EYS: variants seen among roughly 807,000 people sequenced by gnomAD.
EYS encodes the protein protein eyes shut homolog.
In EYS, 250 loss-of-function variants were observed where a neutral mutation model predicts 282.1. The ratio of observed to expected loss-of-function variants is 0.89; its 90% CI spans 0.80 to 0.98. EYS has a LOEUF of 0.98. Among genes scored for constraint, EYS ranks in the 50% least tolerant of loss-of-function variants. The pLI is 0.00. For synonymous variants in EYS, 1,355 were observed against 1,282.9 expected, an observed-to-expected ratio of 1.06 and a Z score of -1.20; for missense variants, 4,016 against 3,709.0, an observed-to-expected ratio of 1.08 and a Z score of -2.15.
intron 29 of EYS, among the ~76,000 whole-genome samples, chr6:64,350,744 G>A (rs752267646): frequency 2.6e-5 from 4 of 151,584 alleles, no homozygotes; most frequent in Non-Finnish European, 4.4e-5. Flanking sequence ...TCGGTGTGTT[G>A]AAACCCAGTG....
chr6:64,651,483 A>G lies in EYS; in HGVS notation c.3444-25238T>C, dbSNP rs145676385. Among the ~76,000 whole-genome samples the G allele has an allele frequency of 5.7e-3, 873 of 152,312 alleles. 8 individuals are homozygous for G. The highest frequency in any genetic ancestry group is 0.02 in the African/African-American group (813 of 41,566). The stretch of plus-strand genomic sequence containing the variant: ...TATGAAAGATAATAAAGTAAAATAA[A>G]TGAGGAAGGGAAAATACAGGGCAAA... On this transcript the variant is annotated intron_variant, in intron 22 of 42. Transcript: ENST00000503581.
intron 30 of EYS, among the ~76,000 whole-genome samples, chr6:64,254,496 G>T (rs1337119105): frequency 6.6e-6 from 1 of 151,990 alleles, no homozygotes; most frequent in Non-Finnish European, 1.5e-5. Flanking sequence ...GTCCTAGCAG[G>T]AGCTGGGAGG....
At chr6:65,070,986 T>C (rs1773887105) in intron 12 of EYS, among the ~76,000 whole-genome samples, 1 of 151,942 alleles carries the variant, frequency 6.6e-6, no homozygotes, top group Non-Finnish European at 1.5e-5. Flanking sequence ...CATTTGTCAC[T>C]TTTTTATTTC....
chr6:64,198,474 CT>C (rs1765365780), intron 31 of EYS, among the ~76,000 whole-genome samples: 1 of 152,070 alleles, frequency 6.6e-6, no homozygotes, highest in African/African-American at 2.4e-5. Context: ...TAGCCCTCCC[CT>C]GGCCCCCCAC....
In EYS at chr6:63,721,155, A is replaced by C. The variant is rs1305825599; in HGVS notation, c.8876T>G (p.Phe2959Cys). Residue 2959 changes from phenylalanine to cysteine, a missense_variant, in exon 43 of 43, where the codon TTT (phenylalanine) becomes TGT (cysteine). Physicochemically the swap from Phe to Cys is radical, Grantham distance 205. Coordinates refer to ENST00000503581, the MANE Select transcript of EYS (RefSeq NM_001142800.2). ...ENKTSFSTAKFMGNSYIKYID... is the reference protein window; with the variant it reads ...ENKTSFSTAKCMGNSYIKYID... Reference sequence around the variant, plus strand: ...GTATTTAATGTAAGAATTACCCATAAATTTTGCAGTTGAAAATGAAGTTTT... The same window carrying C: ...GTATTTAATGTAAGAATTACCCATACATTTTGCAGTTGAAAATGAAGTTTT... 1 of 1,551,600 alleles carries C rather than the reference A, an allele frequency of 6.4e-7. No homozygotes were observed. Among genetic ancestry groups the C allele is most frequent in the African/African-American group, 1.4e-5 (1 of 73,172 alleles).
chr6:65,339,693 T>A (rs1409964526), intron 10 of EYS, among the ~76,000 whole-genome samples: 1 of 151,204 alleles, frequency 6.6e-6, no homozygotes, highest in East Asian at 2.0e-4. Context: ...CAATGAAATG[T>A]GTCAAGCAGA....
rs1391120119 is a variant in EYS, at chr6:64,081,873, T to A, written c.6554A>T (p.Asn2185Ile). 1 of 1,535,830 alleles carries A rather than the reference T, an allele frequency of 6.5e-7. No individual in the cohort carries two copies. The highest frequency in any genetic ancestry group is 2.5e-5 in the East Asian group (1 of 40,662). The change falls in exon 32 of 43, where the codon AAT becomes ATT. Residue 2185 changes from asparagine (N) to isoleucine (I), a missense_variant. Physicochemically the swap from Asn to Ile is moderately radical, Grantham distance 149 (BLOSUM62 -3). Coordinates refer to ENST00000503581, the MANE Select transcript of EYS (RefSeq NM_001142800.2). Reference protein sequence around the residue: ...IYLTIKTNSLNGTILYSNGNN... With the variant: ...IYLTIKTNSLIGTILYSNGNN... Reference sequence around the variant, plus strand: ...ATACTCACTGTAAAGAATAGTTCCATTTAAACTGTTTGTTTTTATAGTCAA... The same window carrying A: ...ATACTCACTGTAAAGAATAGTTCCAATTAAACTGTTTGTTTTTATAGTCAA...
At chr6:64,390,302 G>A (rs2150426426) in intron 28 of EYS, among the ~76,000 whole-genome samples, 1 of 152,308 alleles carries the variant, frequency 6.6e-6, no homozygotes, top group East Asian at 1.9e-4. Flanking sequence ...TGCCTCTGTA[G>A]GCTCCACCTC....
At chr6:64,881,524 C>T (rs58493295) in intron 19 of EYS, among the ~76,000 whole-genome samples, 5,669 of 151,858 alleles carry the variant, frequency 0.037, 188 homozygotes, top group East Asian at 0.16. Flanking sequence ...TCTCCGATTA[C>T]TTTACATATT....
intron 31 of EYS, among the ~76,000 whole-genome samples, chr6:64,115,696 A>C (rs1002745546): frequency 6.6e-5 from 10 of 152,194 alleles, no homozygotes; most frequent in African/African-American, 2.2e-4. Flanking sequence ...AAAGGTCTTT[A>C]CCCACTTAAA....
At chr6:64,626,909 T>A (rs1767627357) in intron 22 of EYS, among the ~76,000 whole-genome samples, 1 of 152,170 alleles carries the variant, frequency 6.6e-6, no homozygotes, top group African/African-American at 2.4e-5. Context: ...GGGAGACTCT[T>A]AAAATGGAGA....
chr6:65,011,959 G>C (rs1771886690), intron 13 of EYS, among the ~76,000 whole-genome samples: 2 of 151,988 alleles, frequency 1.3e-5, no homozygotes, highest in African/African-American at 4.8e-5. Flanking sequence ...ATTAAATCTT[G>C]CAACAGCAAA....
At chr6:63,795,115 T>C (rs185604782) in intron 37 of EYS, among the ~76,000 whole-genome samples, 3 of 152,298 alleles carry the variant, frequency 2.0e-5, no homozygotes, top group East Asian at 1.9e-4. Flanking sequence ...AGAAAAGTCA[T>C]AACAACTCCA....
intron 30 of EYS, among the ~76,000 whole-genome samples, chr6:64,285,289 T>C (rs947385125): frequency 6.6e-6 from 1 of 151,960 alleles, no homozygotes; most frequent in African/African-American, 2.4e-5. Flanking sequence ...CACTTAGAAA[T>C]TTCTTCCACC....
chr6:64,646,746 A>C (rs1768367620), intron 22 of EYS, among the ~76,000 whole-genome samples: 1 of 151,858 alleles, frequency 6.6e-6, no homozygotes, highest in Non-Finnish European at 1.5e-5. Flanking sequence ...TGGAGCTTGC[A>C]GTAAGCTGAG....
intron 34 of EYS, among the ~76,000 whole-genome samples, chr6:63,988,635 A>G (rs1365388056): frequency 2.0e-5 from 3 of 151,690 alleles, no homozygotes; most frequent in East Asian, 1.9e-4. Context: ...GGTCTTTAAC[A>G]TAAGTCTTTT....
At chr6:63,995,104 A>G (rs1767775400) in intron 34 of EYS, among the ~76,000 whole-genome samples, 1 of 152,060 alleles carries the variant, frequency 6.6e-6, no homozygotes, top group Admixed American at 6.6e-5. Context: ...AATGGGAGAA[A>G]ATATTTTCAA....
intron 12 of EYS, among the ~76,000 whole-genome samples, chr6:65,087,465 G>C (rs1045858182): frequency 6.6e-6 from 1 of 152,054 alleles, no homozygotes; most frequent in Non-Finnish European, 1.5e-5. Flanking sequence ...CCACACATTG[G>C]CTTTATGATA....
intron 28 of EYS, among the ~76,000 whole-genome samples, chr6:64,417,981 G>A (rs1441140062): frequency 1.3e-5 from 2 of 152,098 alleles, no homozygotes. Context: ...CTACGGTCTT[G>A]CTATTAATAT....
Sources: gnomAD v4.1 joint callset for allele counts (sites outside exome capture counted in the v4.1 genomes callset) on GRCh38, gnomAD v4.1.1 for gene constraint, MANE v1.5 for transcripts, NCBI Gene and HGNC (gene_info 2026-07-23, HGNC 2026-07-21) for gene names.